Variants in LRBA observed in about 807,000 individuals in gnomAD.
LRBA encodes the protein lipopolysaccharide-responsive and beige-like anchor protein.
LRBA carries 176 observed loss-of-function variants against 330.0 expected under a neutral mutation model. The ratio of observed to expected loss-of-function variants is 0.53; its 90% confidence interval spans 0.47 to 0.60. The LOEUF is 0.60. LRBA is among the 20% of genes least tolerant of loss of function. The pLI is 0.00. For missense variants in LRBA, 3,259 were observed against 3,444.8 expected, an observed-to-expected ratio of 0.95 and a Z score of 1.35; for synonymous variants, 1,230 against 1,193.0, an observed-to-expected ratio of 1.03 and a Z score of -0.64.
intron 28 of LRBA, chr4:150,840,907 A>G (rs1178174167): frequency 9.3e-7 from 1 of 1,077,154 alleles, no homozygotes; most frequent in Non-Finnish European, 1.2e-6. Context: ...TTAATGTCAA[A>G]AATTTTGGAT....
Position 150,590,789 on chromosome 4 carries a change from T to A in LRBA, c.6117A>T (p.Ser2039=). The A allele has an allele frequency of 6.2e-7, 1 of 1,613,848 alleles. No individual in the cohort carries two copies. Among genetic ancestry groups the A allele is most frequent in the African/African-American group, 1.3e-5 (1 of 75,052 alleles). Residue 2039 remains serine, a synonymous_variant, in exon 39 of 57, where the codon TCA becomes TCT. Transcript: ENST00000651943. ...CGCCTTCCAGGAGGATCTCGTTTTCTGAGTTCTGATTTCCTAAAGCCTGAC... is the reference window on the plus strand; with the variant it reads ...CGCCTTCCAGGAGGATCTCGTTTTCAGAGTTCTGATTTCCTAAAGCCTGAC... The part of the protein sequence containing the change: ...IRSQALGNQN[S]ENEILLEGDD...
chr4:150,973,392 C>A (rs1739794479), intron 2 of LRBA, among the ~76,000 whole-genome samples: 2 of 152,128 alleles, frequency 1.3e-5, no homozygotes, highest in African/African-American at 4.8e-5. Flanking sequence ...GTCTCAAACT[C>A]CCGACCTCAG....
chr4:150,482,903 A>C (rs145728618), intron 42 of LRBA, among the ~76,000 whole-genome samples: 1 of 151,996 alleles, frequency 6.6e-6, no homozygotes, highest in Admixed American at 6.6e-5. Context: ...TGTTTCCTAC[A>C]TATCCTGGAT....
intron 34 of LRBA, among the ~76,000 whole-genome samples, chr4:150,782,401 A>C (rs1738377858): frequency 1.3e-5 from 2 of 152,232 alleles, no homozygotes; most frequent in African/African-American, 4.8e-5. Context: ...CAGAAGTCTG[A>C]AATCAGTTTT....
intron 29 of LRBA, among the ~76,000 whole-genome samples, chr4:150,830,966 T>C (rs1310975318): frequency 1.3e-5 from 2 of 151,968 alleles, no homozygotes; most frequent in African/African-American, 4.8e-5. Context: ...GGTTTTACCA[T>C]GTTGGCCAGG....
intron 46 of LRBA, among the ~76,000 whole-genome samples, chr4:150,427,965 C>G (rs895920795): frequency 4.0e-5 from 6 of 151,860 alleles, no homozygotes; most frequent in Non-Finnish European, 1.5e-5. Flanking sequence ...TTGCAGACCT[C>G]TGGGATTTCT....
intron 44 of LRBA, among the ~76,000 whole-genome samples, chr4:150,444,676 T>C (rs1002846754): frequency 6.6e-6 from 1 of 152,218 alleles, no homozygotes; most frequent in African/African-American, 2.4e-5. Flanking sequence ...TGTTGTCAAG[T>C]ACCAGAACAC....
At chr4:150,355,869 T>C (rs1215081289) in intron 47 of LRBA, among the ~76,000 whole-genome samples, 2 of 152,080 alleles carry the variant, frequency 1.3e-5, no homozygotes, top group South Asian at 4.1e-4. Context: ...GGCGGTAATA[T>C]ACAAAGTTAT....
chr4:150,898,690 T>TGAGA (rs1560977570), intron 14 of LRBA, among the ~76,000 whole-genome samples: 2 of 151,806 alleles, frequency 1.3e-5, no homozygotes, highest in Non-Finnish European at 2.9e-5. Context: ...TCACAAAATT[T>TGAGA]GTCCAGCTCT....
intron 47 of LRBA, among the ~76,000 whole-genome samples, chr4:150,390,599 CTTCCTCAAGGAATTTTTACCCAAAA>C (rs1483336922): frequency 6.6e-6 from 1 of 152,156 alleles, no homozygotes; most frequent in Non-Finnish European, 1.5e-5. Context: ...GCAAAAATTT[CTTCCTCAAGGAATTTTTACCCAAAA>C]TTTCCCAAAA....
chr4:151,005,778 A>AT (rs1007856856), intron 2 of LRBA, among the ~76,000 whole-genome samples: 2 of 151,604 alleles, frequency 1.3e-5, no homozygotes, highest in Non-Finnish European at 2.9e-5. Context: ...CTAATTTTGT[A>AT]TTTTTTAGTA....
intron 40 of LRBA, among the ~76,000 whole-genome samples, chr4:150,503,385 G>A (rs1760570437): frequency 6.6e-6 from 1 of 152,122 alleles, no homozygotes; most frequent in Admixed American, 6.5e-5. Context: ...CAGCAGCATT[G>A]GCAGTTCACC....
At chr4:150,614,730 T>C (rs1351409115) in intron 37 of LRBA, among the ~76,000 whole-genome samples, 3 of 152,192 alleles carry the variant, frequency 2.0e-5, no homozygotes, top group Non-Finnish European at 4.4e-5. Context: ...AAAGGTCCAA[T>C]AGGTGATATA....
intron 36 of LRBA, among the ~76,000 whole-genome samples, chr4:150,691,564 T>C (rs1404649694): frequency 6.6e-6 from 1 of 152,176 alleles, no homozygotes; most frequent in Non-Finnish European, 1.5e-5. Context: ...GACAAGGACA[T>C]GGAACAACTG....
At chr4:150,392,149 G>T (rs1327549879) in intron 47 of LRBA, among the ~76,000 whole-genome samples, 2 of 151,962 alleles carry the variant, frequency 1.3e-5, no homozygotes, top group Non-Finnish European at 2.9e-5. Context: ...ACCTTCATTT[G>T]CTCTCTTCTT....
intron 37 of LRBA, among the ~76,000 whole-genome samples, chr4:150,616,266 A>G (rs1032416131): frequency 1.3e-5 from 2 of 152,200 alleles, no homozygotes; most frequent in Non-Finnish European, 2.9e-5. Context: ...AAGTGACCAA[A>G]GCTGGAGAAG....
At position 150,523,116 on chromosome 4, in the gene LRBA, G is replaced by A. The variant is rs114821550; in HGVS notation, c.6331-32081C>T. On this transcript the variant is annotated intron_variant, in intron 40 of 56. Coordinates refer to ENST00000651943, the MANE Select transcript of LRBA (RefSeq NM_001364905.1). The stretch of plus-strand genomic sequence containing the variant: ...ATGGCATCTACATGATATTCTGGAC[G>A]TTAAACTTTTGAGCTAGAAGGAGTT... Among the ~76,000 whole-genome samples the A allele has an allele frequency of 2.0e-4, 31 of 152,316 alleles. No homozygotes were observed. In the South Asian group the frequency reaches 4.8e-3, roughly 23 times the overall value.
chr4:150,635,243 C>T (rs1373998859), intron 37 of LRBA, among the ~76,000 whole-genome samples: 1 of 152,182 alleles, frequency 6.6e-6, no homozygotes, highest in East Asian at 1.9e-4. Flanking sequence ...AGCATGACTC[C>T]TGCAACTAAA....
chr4:150,345,413 T>A (rs758912105), intron 48 of LRBA, among the ~76,000 whole-genome samples: 16 of 152,258 alleles, frequency 1.1e-4, no homozygotes, highest in Non-Finnish European at 2.2e-4. Context: ...TGATAACTTC[T>A]CTAGTGTTAA....
Sources: gnomAD v4.1 joint callset for allele counts (sites outside exome capture counted in the v4.1 genomes callset) on GRCh38, gnomAD v4.1.1 for gene constraint, MANE v1.5 for transcripts, NCBI Gene and HGNC (gene_info 2026-07-23, HGNC 2026-07-21) for gene names.